Variants in WASF3 observed in about 807,000 individuals in gnomAD.
WASF3 encodes actin-binding protein WASF3.
In WASF3, 11 loss-of-function variants were observed where a neutral mutation model predicts 46.6. That is an observed-to-expected ratio of 0.24 (90% CI 0.15 to 0.39). The LOEUF (loss-of-function observed/expected upper bound fraction) is 0.39. Ranked by LOEUF, WASF3 falls within the 10% of genes least tolerant of loss-of-function variation. WASF3 has a pLI of 1.00. For synonymous variants in WASF3, 242 were observed against 259.7 expected, an observed-to-expected ratio of 0.93 and a Z score of 0.65; for missense variants, 576 against 669.8, an observed-to-expected ratio of 0.86 and a Z score of 1.55.
intron 1 of WASF3, among the ~76,000 whole-genome samples, chr13:26,611,695 A>G (rs1880984831): frequency 6.6e-6 from 1 of 152,174 alleles, no homozygotes; most frequent in African/African-American, 2.4e-5. Context: ...ACTTAGGAAA[A>G]AGCTCACTTT....
intron 1 of WASF3, among the ~76,000 whole-genome samples, chr13:26,596,112 CTTTTT>C (rs56150729): frequency 1.1e-4 from 12 of 105,372 alleles, no homozygotes; most frequent in East Asian, 2.8e-4. Flanking sequence ...GTAAGTGATC[CTTTTT>C]TTTTTTTTTT....
At chr13:26,562,173 A>G (rs1879313739) in intron 1 of WASF3, among the ~76,000 whole-genome samples, 1 of 152,198 alleles carries the variant, frequency 6.6e-6, no homozygotes, top group Admixed American at 6.5e-5. Flanking sequence ...AGATGAGGTC[A>G]TTTGAGGAGT....
intron 1 of WASF3, among the ~76,000 whole-genome samples, chr13:26,597,639 C>T (rs1212541608): frequency 1.3e-5 from 2 of 152,092 alleles, no homozygotes; most frequent in African/African-American, 4.8e-5. Flanking sequence ...GAACAGGCCC[C>T]GGTGTGTGAT....
chr13:26,641,613 G>A (rs1263359779), intron 2 of WASF3, among the ~76,000 whole-genome samples: 1 of 152,078 alleles, frequency 6.6e-6, no homozygotes, highest in Non-Finnish European at 1.5e-5. Flanking sequence ...CAGGAATTAG[G>A]GAGAGATAAG....
chr13:26,563,750 C>T (rs1036063191), intron 1 of WASF3, among the ~76,000 whole-genome samples: 8 of 149,422 alleles, frequency 5.4e-5, no homozygotes, highest in Admixed American at 1.3e-4. Flanking sequence ...CTTCTCTGTG[C>T]CTGCACATGT....
chr13:26,616,855 C>T (rs931864301), intron 2 of WASF3, among the ~76,000 whole-genome samples: 9 of 152,112 alleles, frequency 5.9e-5, no homozygotes, highest in African/African-American at 2.2e-4. Context: ...GACTCGTTGT[C>T]CCTGGGGTGT....
intron 3 of WASF3, among the ~76,000 whole-genome samples, chr13:26,644,778 G>A (rs983373402): frequency 1.3e-5 from 2 of 152,158 alleles, no homozygotes; most frequent in African/African-American, 2.4e-5. Flanking sequence ...GGCTGAACCC[G>A]GGAGGAAGCA....
At chr13:26,599,096 G>A (rs566391542) in intron 1 of WASF3, among the ~76,000 whole-genome samples, 126 of 151,820 alleles carry the variant, frequency 8.3e-4, no homozygotes, top group Admixed American at 1.8e-3. Context: ...TCCTGACCTC[G>A]GGTGATTCAC....
chr13:26,664,054 A>G (rs1168426604), intron 3 of WASF3, among the ~76,000 whole-genome samples: 2 of 152,212 alleles, frequency 1.3e-5, no homozygotes, highest in African/African-American at 4.8e-5. Context: ...AACATGGAAC[A>G]CACGGAGTTC....
intron 1 of WASF3, among the ~76,000 whole-genome samples, chr13:26,586,244 G>A (rs892672958): frequency 2.0e-5 from 3 of 151,612 alleles, no homozygotes; most frequent in Admixed American, 2.0e-4. Context: ...TATTTTTTGT[G>A]TTTCTTTTCG....
intron 1 of WASF3, among the ~76,000 whole-genome samples, chr13:26,567,870 CAG>C (rs1173910902): frequency 2.6e-5 from 4 of 151,956 alleles, no homozygotes; most frequent in African/African-American, 7.2e-5. Flanking sequence ...GAGAGAATAT[CAG>C]AGACTGCCAT....
chr13:26,623,502 T>C (rs530228491), intron 2 of WASF3, among the ~76,000 whole-genome samples: 1 of 152,172 alleles, frequency 6.6e-6, no homozygotes, highest in Non-Finnish European at 1.5e-5. Flanking sequence ...CGAAGGGTAA[T>C]TAATAGCAAA....
intron 2 of WASF3, among the ~76,000 whole-genome samples, chr13:26,625,320 G>A (rs528502396): frequency 6.6e-6 from 1 of 152,302 alleles, no homozygotes; most frequent in East Asian, 1.9e-4. Context: ...TGGAGGCTGA[G>A]AAGTCCCACA....
intron 2 of WASF3, among the ~76,000 whole-genome samples, chr13:26,637,944 G>T (rs1042957578): frequency 6.6e-6 from 1 of 152,196 alleles, no homozygotes; most frequent in Non-Finnish European, 1.5e-5. Flanking sequence ...TATAGGATTT[G>T]ATTAAGGATA....
At chr13:26,591,215 C>T (rs956009093) in intron 1 of WASF3, among the ~76,000 whole-genome samples, 2 of 151,786 alleles carry the variant, frequency 1.3e-5, no homozygotes, top group Non-Finnish European at 2.9e-5. Flanking sequence ...ATGTGGCTCT[C>T]TTAGGTCATC....
chr13:26,682,926 C>T lies in WASF3; in HGVS notation c.1303C>T (p.Pro435Ser), dbSNP rs972767527. Residue 435 changes from proline (P) to serine (S), a missense_variant, in exon 9 of 10, where the codon CCA (proline) becomes TCA (serine). Pro to Ser is a moderately conservative substitution (Grantham distance 74). This residue lies in a region of WASF3 where 295 missense variants were observed against 291.5 expected (regional missense o/e 1.01). Transcript: ENST00000335327. This position sits in a 1 kb window ranked among gnomAD's most constrained non-coding sequence, Gnocchi z 4.4. ...GGCGAAGCGGCAAGAGCCTGCACAG[C>T]CACCAATCAGTGATGCTCGAAGCGA... ...AEAKRQEPAQ[P>S]PISDARSDLL... 1 of 1,610,126 alleles carries T rather than the reference C, an allele frequency of 6.2e-7. No individual in the cohort carries two copies. The highest frequency in any genetic ancestry group is 8.5e-7 in the Non-Finnish European group (1 of 1,180,008).
the WASF3 span, among the ~76,000 whole-genome samples, chr13:26,548,493 C>G: frequency 6.6e-6 from 1 of 152,194 alleles, no homozygotes; most frequent in Non-Finnish European, 1.5e-5. Context: ...TGCCTCCTTT[C>G]TCCTCTCCAA....
chr13:26,559,796 C>CTTTTCT (rs199501866), intron 1 of WASF3, among the ~76,000 whole-genome samples: 1 of 45,592 alleles, frequency 2.2e-5, no homozygotes, highest in Non-Finnish European at 4.2e-5. Context: ...TCTTTTCTTT[C>CTTTTCT]TTTCTTTCTT....
At chr13:26,612,844 T>G (rs1881019947) in intron 1 of WASF3, 117 bp from the exon 2 acceptor site, 2 of 152,222 alleles carry the variant, frequency 1.3e-5, no homozygotes, top group Admixed American at 6.5e-5. Flanking sequence ...AAAGAACTAG[T>G]TCAGGGATTA....
Sources: gnomAD v4.1 joint callset for allele counts (sites outside exome capture counted in the v4.1 genomes callset) on GRCh38, gnomAD v4.1.1 for gene constraint, gnomAD v4.1.1 regional missense constraint, Gnocchi (gnomAD v3.1) non-coding constraint, MANE v1.5 for transcripts, NCBI Gene and HGNC (gene_info 2026-07-23, HGNC 2026-07-21) for gene names.